Variants in DLGAP1 observed in about 807,000 individuals in gnomAD.
The protein encoded by DLGAP1 is disks large-associated protein 1.
Under a neutral mutation model 90.8 loss-of-function variants are expected in DLGAP1, and 11 were observed. That is an observed-to-expected ratio of 0.12 (90% confidence interval 0.08 to 0.20). DLGAP1 has a LOEUF of 0.20. Ranked by LOEUF, DLGAP1 falls within the 10% of genes least tolerant of loss-of-function variation. The pLI, the probability that DLGAP1 is intolerant of heterozygous loss-of-function variation, is 1.00. For missense variants in DLGAP1, 1,050 were observed against 1,333.8 expected (o/e 0.79, Z 3.31); for synonymous variants, 558 against 540.7 (o/e 1.03, Z -0.44).
At chr18:3,547,301 CAAAAAAAAAAA>C (rs765095049) in intron 9 of DLGAP1, among the ~76,000 whole-genome samples, 1 of 45,432 alleles carries the variant, frequency 2.2e-5, no homozygotes, top group Non-Finnish European at 4.5e-5. Flanking sequence ...GACTCCGTCT[CAAAAAAAAAAA>C]AAAAAAAAAA....
At chr18:3,728,319 TATATATATAC>T (rs58641627) in intron 7 of DLGAP1, among the ~76,000 whole-genome samples, 28,907 of 143,794 alleles carry the variant, frequency 0.2, 3,484 homozygotes, top group East Asian at 0.49. Flanking sequence ...TATATATATA[TATATATATAC>T]ATGTTTCATA....
chr18:3,892,286 T>C (rs1474851047), intron 3 of DLGAP1, among the ~76,000 whole-genome samples: 8 of 152,114 alleles, frequency 5.3e-5, no homozygotes, highest in Non-Finnish European at 1.0e-4. Context: ...TCTAAGCCTT[T>C]GAATGTGACT....
At chr18:3,848,123 G>A (rs1297115318) in intron 4 of DLGAP1, among the ~76,000 whole-genome samples, 4 of 50,534 alleles carry the variant, frequency 7.9e-5, no homozygotes, top group Non-Finnish European at 1.5e-4. Context: ...GCAAGGCCCC[G>A]TCTCAAAAAA....
chr18:4,237,531 G>T (rs1438566833), intron 1 of DLGAP1, among the ~76,000 whole-genome samples: 1 of 152,102 alleles, frequency 6.6e-6, no homozygotes, highest in African/African-American at 2.4e-5. Flanking sequence ...CACAGCTCTG[G>T]AAAGTCCAGG....
chr18:4,097,818 A>T (rs2075708681), intron 2 of DLGAP1, among the ~76,000 whole-genome samples: 1 of 152,264 alleles, frequency 6.6e-6, no homozygotes, highest in African/African-American at 2.4e-5. Context: ...TTGAATGTCA[A>T]CAAATATAGT....
chr18:3,797,879 G>A (rs781341212), intron 5 of DLGAP1, among the ~76,000 whole-genome samples: 1 of 152,164 alleles, frequency 6.6e-6, no homozygotes, highest in Non-Finnish European at 1.5e-5. Flanking sequence ...GAGAGACCTG[G>A]TAGAAGATAA....
intron 4 of DLGAP1, among the ~76,000 whole-genome samples, chr18:3,832,645 T>C (rs537574200): frequency 2.0e-5 from 3 of 152,266 alleles, no homozygotes; most frequent in South Asian, 4.1e-4. Context: ...ATGTTTTGTG[T>C]TGGAACGGCC....
At position 3,903,986 on chromosome 18, in the gene DLGAP1, G is replaced by A. The variant is rs1463768218; in HGVS notation, c.-72-23846C>T. Among the ~76,000 whole-genome samples the A allele has an allele frequency of 3.3e-5, 5 of 152,244 alleles. No individual in the cohort carries two copies. In the East Asian group the frequency reaches 9.7e-4, roughly 29 times the overall value. On this transcript the variant is annotated intron_variant, in intron 3 of 12. Transcript: ENST00000315677. ...TTTTGCATGATCTCCTAGAGAGATG[G>A]GTTACTTTCGTAAGGAAACATCATT... is the stretch of plus-strand genomic sequence containing the variant.
chr18:4,069,073 G>A (rs1412929234), intron 2 of DLGAP1, among the ~76,000 whole-genome samples: 2 of 152,206 alleles, frequency 1.3e-5, no homozygotes, highest in Middle Eastern at 3.4e-3. Context: ...TTTTATGATT[G>A]CTCTGAGAGT....
At chr18:3,550,883 A>AG (rs1568177968) in intron 9 of DLGAP1, among the ~76,000 whole-genome samples, 2 of 151,832 alleles carry the variant, frequency 1.3e-5, no homozygotes, top group African/African-American at 2.4e-5. Context: ...CTAGGATTAC[A>AG]GGGGCCCACC....
chr18:4,090,307 G>A (rs957114509), intron 2 of DLGAP1, among the ~76,000 whole-genome samples: 12 of 152,106 alleles, frequency 7.9e-5, no homozygotes, highest in African/African-American at 2.9e-4. Flanking sequence ...AGAGTGAACA[G>A]ACAACCTATG....
intron 9 of DLGAP1, among the ~76,000 whole-genome samples, chr18:3,544,592 T>C (rs941361072): frequency 1.3e-5 from 2 of 152,260 alleles, no homozygotes; most frequent in East Asian, 1.9e-4. Context: ...TTTAATTCCA[T>C]TGTGGTCAGA....
intron 1 of DLGAP1, among the ~76,000 whole-genome samples, chr18:4,370,882 C>T (rs8085726): frequency 0.14 from 21,274 of 152,016 alleles, 1,754 homozygotes; most frequent in African/African-American, 0.22. Flanking sequence ...ATTATATTTT[C>T]AGTAATATAT....
intron 1 of DLGAP1, among the ~76,000 whole-genome samples, chr18:4,354,592 A>G (rs1363919684): frequency 6.6e-6 from 1 of 152,064 alleles, no homozygotes; most frequent in Non-Finnish European, 1.5e-5. Context: ...ATGAATTTGC[A>G]ATGCTTTTCT....
chr18:3,524,721 A>C (rs1599056236), intron 10 of DLGAP1, among the ~76,000 whole-genome samples: 1 of 152,302 alleles, frequency 6.6e-6, no homozygotes, highest in East Asian at 1.9e-4. Flanking sequence ...TGTCTCAATA[A>C]ATAAATAAAT....
intron 1 of DLGAP1, among the ~76,000 whole-genome samples, chr18:4,159,764 T>A (rs1208034980): frequency 6.6e-6 from 1 of 152,222 alleles, no homozygotes; most frequent in Non-Finnish European, 1.5e-5. Flanking sequence ...TTATTTCATT[T>A]CTTTAAAGTT....
chr18:3,590,950 G>C (rs901983507), intron 7 of DLGAP1, among the ~76,000 whole-genome samples: 1 of 151,952 alleles, frequency 6.6e-6, no homozygotes, highest in Non-Finnish European at 1.5e-5. Context: ...TTTACCTGTT[G>C]AATCTAAAAA....
At chr18:3,925,392 A>T (rs912420971) in intron 3 of DLGAP1, among the ~76,000 whole-genome samples, 2 of 151,440 alleles carry the variant, frequency 1.3e-5, no homozygotes, top group African/African-American at 4.9e-5. Flanking sequence ...TAGTCTACCC[A>T]TGCTAAGAAG....
chr18:4,410,466 C>T lies in DLGAP1; in HGVS notation c.-267+44540G>A, dbSNP rs145580026. Among the ~76,000 whole-genome samples the T allele has an allele frequency of 1.2e-4, 19 of 152,116 alleles. No homozygotes were observed. In the East Asian group the frequency reaches 3.7e-3, roughly 29 times the overall value. On this transcript the variant is annotated intron_variant, in intron 1 of 12. Transcript: ENST00000315677. ...ATTATCAGAAGCATACATACAGGTA[C>T]ATACATATAAAGTATATATGCATAT...
Sources: gnomAD v4.1 joint callset for allele counts (sites outside exome capture counted in the v4.1 genomes callset) on GRCh38, gnomAD v4.1.1 for gene constraint, MANE v1.5 for transcripts, NCBI Gene and HGNC (gene_info 2026-07-23, HGNC 2026-07-21) for gene names.